The following SGF29 variants were observed in gnomAD, a reference collection of about 807,000 sequenced individuals.
SGF29 encodes SAGA complex associated factor 29, also known as SAGA-associated factor 29.
Under a neutral mutation model 38.1 loss-of-function variants are expected in SGF29, and 15 were observed. The ratio of observed to expected loss-of-function variants is 0.39; its 90% CI spans 0.26 to 0.61. The LOEUF (loss-of-function observed/expected upper bound fraction) is 0.61, where lower values mean the gene tolerates loss of function less well. SGF29 is among the 20% of genes least tolerant of loss of function. The pLI, the probability that SGF29 is intolerant of heterozygous loss-of-function variation, is 0.49. For missense variants in SGF29, 184 were observed against 394.6 expected, an observed-to-expected ratio of 0.47 and a Z score of 4.52; for synonymous variants, 151 against 160.8, an observed-to-expected ratio of 0.94 and a Z score of 0.46.
intron 1 of SGF29, among the ~76,000 whole-genome samples, chr16:28,556,785 A>G (rs2046755303): frequency 6.6e-6 from 1 of 152,104 alleles, no homozygotes; most frequent in African/African-American, 2.4e-5. Context: ...CTAGGACTAC[A>G]CATGTGCACC....
intron 2 of SGF29, among the ~76,000 whole-genome samples, chr16:28,581,780 T>C (rs572479394): frequency 4.6e-5 from 7 of 152,134 alleles, no homozygotes; most frequent in African/African-American, 1.7e-4. Flanking sequence ...TTAGCTAGGC[T>C]TGGTGGCGGA....
chr16:28,561,084 T>G (rs1048437350), intron 1 of SGF29, among the ~76,000 whole-genome samples: 2 of 152,078 alleles, frequency 1.3e-5, no homozygotes, highest in African/African-American at 2.4e-5. Context: ...TTTTAAAAAT[T>G]TAAAGCAGTT....
At chr16:28,583,844 T>C (rs776903854) in intron 2 of SGF29, among the ~76,000 whole-genome samples, 3 of 152,214 alleles carry the variant, frequency 2.0e-5, no homozygotes, top group Non-Finnish European at 2.9e-5. Flanking sequence ...TTTTTCTTTT[T>C]CCAAGATTGG....
chr16:28,568,255 G>A (rs1404650255), intron 1 of SGF29, among the ~76,000 whole-genome samples: 1 of 143,438 alleles, frequency 7.0e-6, no homozygotes, highest in African/African-American at 2.6e-5. Context: ...GGAGGTTGCA[G>A]TGAGCCAAGA....
At chr16:28,564,718 T>TGTATATGC (rs2046822098) in intron 1 of SGF29, among the ~76,000 whole-genome samples, 1 of 60,734 alleles carries the variant, frequency 1.6e-5, no homozygotes, top group South Asian at 3.8e-4. Flanking sequence ...CATATATATG[T>TGTATATGC]ATATATATAC....
At chr16:28,563,715 C>CTTCTT (rs2046803569) in intron 1 of SGF29, among the ~76,000 whole-genome samples, 2 of 80,822 alleles carry the variant, frequency 2.5e-5, no homozygotes, top group African/African-American at 9.3e-5. Flanking sequence ...GAGAAACAGA[C>CTTCTT]TTTTTTTTTT....
intron 1 of SGF29, among the ~76,000 whole-genome samples, chr16:28,579,643 C>T (rs1199396696): frequency 6.6e-6 from 1 of 151,512 alleles, no homozygotes; most frequent in Non-Finnish European, 1.5e-5. Flanking sequence ...TTTCTCTCCC[C>T]ATGCTGGCTG....
chr16:28,575,220 T>A (rs2046885727), intron 1 of SGF29, among the ~76,000 whole-genome samples: 1 of 152,158 alleles, frequency 6.6e-6, no homozygotes, highest in African/African-American at 2.4e-5. Context: ...TCTCTAAATG[T>A]TTCTAAGGGG....
Position 28,590,914 on chromosome 16 carries a change from G to T in SGF29, c.744G>T (p.Leu248=). ...AGACTACCTGCTTCTACCGCGCCCT[G>T]ATCCATGCGCCCCCACAGCGGGTAA... is the stretch of plus-strand genomic sequence containing the variant. The part of the protein sequence containing the change: ...YPQTTCFYRA[L]IHAPPQRPQD... Residue 248 remains leucine, a synonymous_variant, in exon 9 of 10, where the codon CTG becomes CTT. Transcript: ENST00000317058. The surrounding 1 kb of genome is among the most constrained non-coding windows in gnomAD (Gnocchi z 8.2). 2 of 1,611,708 alleles carry T rather than the reference G, an allele frequency of 1.2e-6. No homozygotes were observed. Among genetic ancestry groups the T allele is most frequent in the Non-Finnish European group, 1.7e-6 (2 of 1,178,938 alleles).
At position 28,574,355 on chromosome 16, in the gene SGF29, A is replaced by G. The variant is rs985750063; in HGVS notation, c.-15-6700A>G. On this transcript the variant is annotated intron_variant, in intron 1 of 9. Transcript: ENST00000317058. ...CTCCTTACCCTTGGGAGGTGGGCAC[A>G]TACACAGTGTGTAGGAAGTTGTACG... Among the ~76,000 whole-genome samples the G allele has an allele frequency of 2.6e-5, 4 of 152,198 alleles. No individual in the cohort carries two copies. The East Asian group carries it at 7.7e-4, about 29-fold the overall frequency.
In SGF29 at chr16:28,577,154, C is replaced by T. The variant is rs564261805; in HGVS notation, c.-15-3901C>T. On this transcript the variant is annotated intron_variant, in intron 1 of 9. Coordinates refer to ENST00000317058, the MANE Select transcript of SGF29 (RefSeq NM_138414.3). ...TTGCACTCCAGCCTCGGTGACACAGCGAGACTCTGTCTCATTAAAAAAGAA... is the reference window on the plus strand; with the variant it reads ...TTGCACTCCAGCCTCGGTGACACAGTGAGACTCTGTCTCATTAAAAAAGAA... Among the ~76,000 whole-genome samples, 8 of 151,484 alleles carry T rather than the reference C, an allele frequency of 5.3e-5. No individual in the cohort carries two copies. In the East Asian group the frequency reaches 9.7e-4, roughly 18 times the overall value.
rs2046752949 is a variant in SGF29, at chr16:28,556,526, T to A, written c.-16+2429T>A. Among the ~76,000 whole-genome samples the A allele has an allele frequency of 2.6e-5, 4 of 152,216 alleles. No homozygotes were observed. The South Asian group carries it at 8.3e-4, about 31-fold the overall frequency. ...CCACACCCGATTAATTTTGTATTTTTAGTAGAGACAGGGTTTCACCATGTT... is the reference window on the plus strand; with the variant it reads ...CCACACCCGATTAATTTTGTATTTTAAGTAGAGACAGGGTTTCACCATGTT... On this transcript the variant is annotated intron_variant, in intron 1 of 9. Coordinates refer to ENST00000317058, the MANE Select transcript of SGF29 (RefSeq NM_138414.3).
intron 1 of SGF29, among the ~76,000 whole-genome samples, chr16:28,580,147 C>A (rs1672896473): frequency 6.6e-6 from 1 of 152,190 alleles, no homozygotes; most frequent in Admixed American, 6.5e-5. Context: ...CTTTTTAAGG[C>A]ACTTCATATT....
intron 1 of SGF29, among the ~76,000 whole-genome samples, chr16:28,556,998 G>A (rs575384181): frequency 6.6e-6 from 1 of 152,092 alleles, no homozygotes; most frequent in Non-Finnish European, 1.5e-5. Flanking sequence ...ATGTGAGTGT[G>A]GGGTATTAGG....
chr16:28,562,491 C>T (rs1357122088), intron 1 of SGF29, among the ~76,000 whole-genome samples: 1 of 152,064 alleles, frequency 6.6e-6, no homozygotes, highest in Non-Finnish European at 1.5e-5. Flanking sequence ...TGTATTGATG[C>T]TGGGCATGCT....
chr16:28,577,099 C>T (rs541822170), intron 1 of SGF29, among the ~76,000 whole-genome samples: 9 of 151,972 alleles, frequency 5.9e-5, no homozygotes, highest in East Asian at 1.9e-4. Context: ...ACCCGGGAGG[C>T]GGAGGTTGCA....
intron 1 of SGF29, among the ~76,000 whole-genome samples, chr16:28,555,214 A>G (rs1376144432): frequency 6.6e-6 from 1 of 152,136 alleles, no homozygotes. Context: ...GTGTAATCCT[A>G]GCACTTTGGG....
intron 2 of SGF29, among the ~76,000 whole-genome samples, chr16:28,584,065 C>T (rs1461956732): frequency 6.6e-6 from 1 of 151,408 alleles, no homozygotes; most frequent in Non-Finnish European, 1.5e-5. Context: ...CTCTGTCACC[C>T]AGGCTGGAGT....
intron 1 of SGF29, among the ~76,000 whole-genome samples, chr16:28,580,386 G>C (rs1211580344): frequency 1.3e-5 from 2 of 152,140 alleles, no homozygotes; most frequent in Non-Finnish European, 2.9e-5. Context: ...CAAGATGTCA[G>C]CTTGGTTCCA....
Sources: gnomAD v4.1 joint callset for allele counts (sites outside exome capture counted in the v4.1 genomes callset) on GRCh38, gnomAD v4.1.1 for gene constraint, Gnocchi (gnomAD v3.1) non-coding constraint, MANE v1.5 for transcripts, NCBI Gene and HGNC (gene_info 2026-07-23, HGNC 2026-07-21) for gene names.